Variants in MYO16 observed in about 807,000 individuals in gnomAD.
MYO16 encodes myosin XVI.
MYO16 carries 94 observed loss-of-function variants against 205.3 expected under a neutral mutation model. The observed-to-expected ratio is 0.46, with a 90% CI of 0.39 to 0.54. The LOEUF is 0.54. MYO16 is among the 20% of genes least tolerant of loss of function. The pLI is 0.00. For synonymous variants in MYO16, 988 were observed against 954.0 expected (o/e 1.04, Z -0.66); for missense variants, 2,315 against 2,387.5 (o/e 0.97, Z 0.63).
the MYO16 span, among the ~76,000 whole-genome samples, chr13:108,502,569 T>C: frequency 6.6e-6 from 1 of 152,172 alleles, no homozygotes; most frequent in Non-Finnish European, 1.5e-5. Context: ...TTTTAATGTC[T>C]TTTTTATTAC....
intron 2 of MYO16, among the ~76,000 whole-genome samples, chr13:108,699,155 A>G (rs1264943181): frequency 7.2e-6 from 1 of 139,604 alleles, no homozygotes; most frequent in Non-Finnish European, 1.5e-5. Flanking sequence ...ACATATATGC[A>G]TATGTATACC....
rs60525231 is a variant in MYO16, at chr13:108,885,082, A to G, written c.1553+1896A>G. Reference sequence around the variant, plus strand: ...TGAGGTGGGGGCTCCAACCCATTCTAGACTCAAGGATGAGAAAGGCACCAA... The same window carrying G: ...TGAGGTGGGGGCTCCAACCCATTCTGGACTCAAGGATGAGAAAGGCACCAA... On this transcript the variant is annotated intron_variant, in intron 13 of 34. Coordinates refer to ENST00000457511, the MANE Select transcript of MYO16 (RefSeq NM_001198950.3). Among the ~76,000 whole-genome samples the G allele has an allele frequency of 0.021, 3,165 of 152,256 alleles. 194 individuals are homozygous for G. The East Asian group carries it at 0.21, about 10-fold the overall frequency.
chr13:109,154,734 G>A (rs530217422), intron 32 of MYO16, among the ~76,000 whole-genome samples: 9 of 151,858 alleles, frequency 5.9e-5, no homozygotes, highest in African/African-American at 1.9e-4. Flanking sequence ...CACCGACCGC[G>A]TACTTGGCCA....
chr13:109,054,035 C>T (rs531309813), intron 25 of MYO16, among the ~76,000 whole-genome samples: 13 of 152,042 alleles, frequency 8.6e-5, no homozygotes, highest in Middle Eastern at 3.4e-3. Flanking sequence ...TTAAGAAAAA[C>T]GATTTTAGAT....
At chr13:108,772,441 AAG>A (rs1256517720) in intron 4 of MYO16, among the ~76,000 whole-genome samples, 1 of 152,190 alleles carries the variant, frequency 6.6e-6, no homozygotes, top group African/African-American at 2.4e-5. Flanking sequence ...AGCAATGAAA[AAG>A]AGTGTCTGTT....
chr13:108,696,093 C>T (rs554340579), intron 2 of MYO16, among the ~76,000 whole-genome samples: 1 of 152,294 alleles, frequency 6.6e-6, no homozygotes, highest in East Asian at 1.9e-4. Flanking sequence ...TGGACGATAG[C>T]ATTGCTGTGA....
At chr13:108,982,211 G>A (rs1259828867) in intron 20 of MYO16, among the ~76,000 whole-genome samples, 1 of 152,230 alleles carries the variant, frequency 6.6e-6, no homozygotes, top group Non-Finnish European at 1.5e-5. Context: ...CAGGAATTTT[G>A]CTCAATGAGT....
At chr13:108,503,407 C>T in the MYO16 span, among the ~76,000 whole-genome samples, 1 of 151,862 alleles carries the variant, frequency 6.6e-6, no homozygotes, top group South Asian at 2.1e-4. Context: ...ATAATTTTGG[C>T]CCCAATTTTC....
intron 15 of MYO16, among the ~76,000 whole-genome samples, chr13:108,904,108 T>G (rs1880846827): frequency 6.6e-6 from 1 of 152,158 alleles, no homozygotes; most frequent in Non-Finnish European, 1.5e-5. Flanking sequence ...TAACCACAGA[T>G]CATAGTATAA....
intron 4 of MYO16, among the ~76,000 whole-genome samples, chr13:108,776,970 G>A (rs1886144276): frequency 6.6e-6 from 1 of 152,172 alleles, no homozygotes; most frequent in Admixed American, 6.5e-5. Context: ...CACAGAGTCT[G>A]TGTCTGTGGC....
the MYO16 span, among the ~76,000 whole-genome samples, chr13:108,583,064 C>A: frequency 0.013 from 1,914 of 152,076 alleles, 19 homozygotes; most frequent in Middle Eastern, 0.041. Context: ...TAGATTCTAT[C>A]AAAGAGAAAT....
intron 23 of MYO16, among the ~76,000 whole-genome samples, chr13:109,035,317 C>G (rs1230252576): frequency 6.6e-6 from 1 of 152,066 alleles, no homozygotes; most frequent in Non-Finnish European, 1.5e-5. Context: ...CATCTTAAAC[C>G]TATCAGCAAT....
At chr13:108,610,859 T>A (rs1462857358) in intron 1 of MYO16, among the ~76,000 whole-genome samples, 2 of 152,190 alleles carry the variant, frequency 1.3e-5, no homozygotes, top group African/African-American at 4.8e-5. Flanking sequence ...GCCTTTACTT[T>A]CAGCTTGTCT....
chr13:108,517,321 G>A, the MYO16 span, among the ~76,000 whole-genome samples: 1 of 152,126 alleles, frequency 6.6e-6, no homozygotes, highest in African/African-American at 2.4e-5. Flanking sequence ...GCCTAGAAAG[G>A]GAGGGTGAAA....
At chr13:108,732,081 A>G (rs1416715601) in intron 4 of MYO16, among the ~76,000 whole-genome samples, 2 of 152,228 alleles carry the variant, frequency 1.3e-5, no homozygotes, top group African/African-American at 2.4e-5. Context: ...GTAAAAATAC[A>G]TTCCTGCCAA....
At chr13:108,651,564 C>A (rs1201061362) in intron 1 of MYO16, among the ~76,000 whole-genome samples, 2 of 152,028 alleles carry the variant, frequency 1.3e-5, no homozygotes, top group African/African-American at 4.8e-5. Flanking sequence ...GTGTTATTTC[C>A]ATTTTAAAGA....
chr13:108,779,291 G>C (rs1265550982), intron 4 of MYO16, among the ~76,000 whole-genome samples: 1 of 152,122 alleles, frequency 6.6e-6, no homozygotes, highest in East Asian at 1.9e-4. Context: ...CCAGGATCCA[G>C]AATTACCACC....
At chr13:108,824,665 A>C (rs1031646977) in intron 9 of MYO16, among the ~76,000 whole-genome samples, 2 of 152,156 alleles carry the variant, frequency 1.3e-5, no homozygotes, top group Non-Finnish European at 2.9e-5. Flanking sequence ...AAATAGTGGA[A>C]TACATATTCT....
the MYO16 span, among the ~76,000 whole-genome samples, chr13:108,525,909 A>G: frequency 6.6e-6 from 1 of 150,972 alleles, no homozygotes; most frequent in African/African-American, 2.4e-5. Context: ...TAAGTGTGGC[A>G]ACAGATGCTG....
Sources: gnomAD v4.1 joint callset for allele counts (sites outside exome capture counted in the v4.1 genomes callset) on GRCh38, gnomAD v4.1.1 for gene constraint, MANE v1.5 for transcripts, NCBI Gene and HGNC (gene_info 2026-07-23, HGNC 2026-07-21) for gene names.